Variants in MYO5A observed in about 807,000 individuals in gnomAD.
MYO5A encodes the protein unconventional myosin-Va.
Under a neutral mutation model 249.7 loss-of-function variants are expected in MYO5A, and 98 were observed. The observed-to-expected ratio is 0.39, with a 90% confidence interval of 0.33 to 0.46. MYO5A has a LOEUF of 0.46. MYO5A is among the 20% of genes least tolerant of loss of function. The pLI is 0.98. For synonymous variants in MYO5A, 778 were observed against 810.6 expected, an observed-to-expected ratio of 0.96 and a Z score of 0.68; for missense variants, 1,696 against 2,308.8, an observed-to-expected ratio of 0.73 and a Z score of 5.44.
intron 4 of MYO5A, among the ~76,000 whole-genome samples, chr15:52,424,404 T>C (rs1595656019): frequency 6.6e-6 from 1 of 152,306 alleles, no homozygotes; most frequent in East Asian, 1.9e-4. Flanking sequence ...ATTTTTCTCA[T>C]TTGTAAAATG....
intron 32 of MYO5A, 105 bp downstream of exon 32, chr15:52,340,091 G>A (rs1468324875): frequency 2.6e-6 from 3 of 1,169,530 alleles, no homozygotes; most frequent in Non-Finnish European, 3.8e-6. Context: ...CAAGTACAGA[G>A]GGGTGAGTTT....
At position 52,312,301 on chromosome 15, in the gene MYO5A, C is replaced by A. The variant is rs542795524; in HGVS notation, c.*1395G>T. On this transcript the variant is annotated 3_prime_UTR_variant, in exon 42 of 42. Coordinates refer to ENST00000399233, the MANE Select transcript of MYO5A (RefSeq NM_001382347.1). ...AATATTTATTATATACCTTCTTTTG[C>A]ATAATCAAAGTTTCAAGACCTGAAT... The A allele has an allele frequency of 2.0e-5, 3 of 152,126 alleles. No individual in the cohort carries two copies. Among genetic ancestry groups the A allele is most frequent in the Non-Finnish European group, 4.4e-5 (3 of 68,024 alleles). 9.4% of individuals were successfully genotyped at this position (152,126 alleles called of 1,614,324 possible). A position where few individuals can be genotyped will look rare whatever the true frequency, so the allele number is the denominator to read the frequency against.
chr15:52,374,634 A>C (rs1399491649), intron 20 of MYO5A, among the ~76,000 whole-genome samples: 3 of 152,356 alleles, frequency 2.0e-5, no homozygotes, highest in Admixed American at 1.3e-4. Context: ...GTGAAAACAG[A>C]GGCTGAGACT....
chr15:52,416,636 G>A (rs2043508147), intron 4 of MYO5A, among the ~76,000 whole-genome samples: 1 of 152,044 alleles, frequency 6.6e-6, no homozygotes, highest in South Asian at 2.1e-4. Context: ...ATGGGGTGTG[G>A]GGGAGATCTG....
intron 34 of MYO5A, among the ~76,000 whole-genome samples, chr15:52,333,993 C>G (rs1464481601): frequency 6.6e-6 from 1 of 152,190 alleles, no homozygotes; most frequent in Non-Finnish European, 1.5e-5. Flanking sequence ...AGATATGTAT[C>G]ACTTAACTCA....
At chr15:52,318,071 C>T (rs956066588) in intron 39 of MYO5A, among the ~76,000 whole-genome samples, 9 of 152,168 alleles carry the variant, frequency 5.9e-5, no homozygotes, top group Non-Finnish European at 8.8e-5. Context: ...GAAAAGAACA[C>T]TAACAGTTCC....
chr15:52,319,815 G>A (rs1197288413), intron 38 of MYO5A, among the ~76,000 whole-genome samples: 1 of 152,204 alleles, frequency 6.6e-6, no homozygotes, highest in Non-Finnish European at 1.5e-5. Flanking sequence ...AAACTTTACT[G>A]AAGGAATAAT....
At position 52,386,554 on chromosome 15, in the gene MYO5A, C is replaced by CTT. The variant is rs34368283; in HGVS notation, c.1752+1273_1752+1274dup. Among the ~76,000 whole-genome samples, 159 of 145,736 alleles carry CTT rather than the reference C, an allele frequency of 1.1e-3. 1 individual carries two copies. Among genetic ancestry groups the CTT allele is most frequent in the Middle Eastern group, 7.3e-3 (2 of 274 alleles). On this transcript the variant is annotated intron_variant, in intron 14 of 41. Transcript: ENST00000399233. ...CCAGTGCCTGTTAGACACTTTAACT[C>CTT]TTTTTTTTTTTTGGAGACAGAGTCT...
chr15:52,384,460 G>T, intron 14 of MYO5A, 138 bp from the exon 15 acceptor site: 1 of 874,640 alleles, frequency 1.1e-6, no homozygotes, highest in Non-Finnish European at 1.8e-6. Context: ...CAGTATCTGT[G>T]CTAAGAGCCA....
At chr15:52,395,066 T>A (rs115843450) in intron 11 of MYO5A, among the ~76,000 whole-genome samples, 1 of 152,230 alleles carries the variant, frequency 6.6e-6, no homozygotes, top group African/African-American at 2.4e-5. Context: ...GGTTTTATAA[T>A]GACAAGTAGC....
rs142984800 is a variant in MYO5A at position 52,325,763 on chromosome 15, A to T, written c.4710+2089T>A. 1.5e-4 allele frequency among the ~76,000 whole-genome samples: 23 copies of T among 152,244 alleles called. No homozygotes were observed. In the East Asian group the frequency reaches 4.4e-3, roughly 29 times the overall value. ...AACACTAAGGGTATCCTCTGTCCAC[A>T]TGAAAATGAGATACTCTATATTACT... On this transcript the variant is annotated intron_variant, in intron 36 of 41. Coordinates refer to ENST00000399233, the MANE Select transcript of MYO5A (RefSeq NM_001382347.1).
At chr15:52,479,516 G>C (rs1189189625) in intron 1 of MYO5A, among the ~76,000 whole-genome samples, 1 of 151,916 alleles carries the variant, frequency 6.6e-6, no homozygotes, top group African/African-American at 2.4e-5. Context: ...TCAAATCCAG[G>C]TTGTTCACAG....
intron 6 of MYO5A, 137 bp downstream of exon 6, chr15:52,410,196 A>T: frequency 9.4e-7 from 1 of 1,059,948 alleles, no homozygotes; most frequent in Non-Finnish European, 1.4e-6. Context: ...TACAGGCTTC[A>T]GTCCAAGTGT....
intron 1 of MYO5A, among the ~76,000 whole-genome samples, chr15:52,453,235 C>T (rs2076054942): frequency 1.3e-5 from 2 of 152,070 alleles, no homozygotes; most frequent in Non-Finnish European, 2.9e-5. Context: ...CAACAGACCT[C>T]TCAAGCGAAA....
At chr15:52,386,390 G>C (rs1332059053) in intron 14 of MYO5A, among the ~76,000 whole-genome samples, 1 of 151,998 alleles carries the variant, frequency 6.6e-6, no homozygotes, top group East Asian at 1.9e-4. Context: ...AAATTACTTT[G>C]ACAAAGTAAT....
intron 31 of MYO5A, among the ~76,000 whole-genome samples, chr15:52,342,097 A>C (rs1352680717): frequency 6.6e-6 from 1 of 152,204 alleles, no homozygotes; most frequent in Non-Finnish European, 1.5e-5. Context: ...AGTACCTCAA[A>C]TCTGTAATCC....
At chr15:52,504,559 A>G (rs1174420771) in intron 1 of MYO5A, among the ~76,000 whole-genome samples, 5 of 152,222 alleles carry the variant, frequency 3.3e-5, no homozygotes, top group Non-Finnish European at 7.3e-5. Context: ...TTCACATTGA[A>G]GCTGCCACAT....
chr15:52,417,754 A>G (rs2043576619), intron 4 of MYO5A, among the ~76,000 whole-genome samples: 2 of 150,362 alleles, frequency 1.3e-5, no homozygotes, highest in South Asian at 4.1e-4. Flanking sequence ...TCTGCCTCAC[A>G]TGCTCATGTG....
Position 52,366,629 on chromosome 15 carries a change from C to CAA in MYO5A, c.3160+400_3160+401dup, listed in dbSNP as rs60631867. On this transcript the variant is annotated intron_variant, in intron 23 of 41. Coordinates refer to ENST00000399233, the MANE Select transcript of MYO5A (RefSeq NM_001382347.1). ...CTTAGAATAACATCCATTGATTTAGCAAAAAAAAAAAAAAAAAAAAAAGAC... is the reference window on the plus strand; with the variant it reads ...CTTAGAATAACATCCATTGATTTAGCAAAAAAAAAAAAAAAAAAAAAAAAGAC... Among the ~76,000 whole-genome samples the CAA allele has an allele frequency of 3.5e-3, 260 of 74,542 alleles. 3 individuals are homozygous for CAA. Among genetic ancestry groups the CAA allele is most frequent in the Non-Finnish European group, 6.2e-3 (211 of 34,186 alleles). 48.9% of individuals were successfully genotyped at this position (74,542 alleles called of 152,430 possible).
Sources: gnomAD v4.1 joint callset for allele counts (sites outside exome capture counted in the v4.1 genomes callset) on GRCh38, gnomAD v4.1.1 for gene constraint, MANE v1.5 for transcripts, NCBI Gene and HGNC (gene_info 2026-07-23, HGNC 2026-07-21) for gene names.